Variants in FAM169A observed in about 807,000 individuals in gnomAD.
FAM169A encodes the protein family with sequence similarity 169 member A.
A neutral mutation model predicts 75.7 loss-of-function variants in FAM169A; 24 were observed. The observed-to-expected ratio is 0.32, with a 90% CI of 0.23 to 0.45. The LOEUF (loss-of-function observed/expected upper bound fraction) is 0.45. FAM169A is among the 20% of genes least tolerant of loss of function. The pLI, the probability that FAM169A is intolerant of heterozygous loss-of-function variation, is 1.00. For missense variants in FAM169A, 673 were observed against 784.0 expected, an observed-to-expected ratio of 0.86 and a Z score of 1.69; for synonymous variants, 271 against 271.0, an observed-to-expected ratio of 1.00 and a Z score of 0.00.
Position 74,778,772 on chromosome 5 carries a change from A to G in FAM169A, c.*2688T>C, listed in dbSNP as rs1745254169. 6.6e-6 allele frequency: 1 copy of G among 152,116 alleles called. No homozygotes were observed. The highest frequency in any genetic ancestry group is 1.5e-5 in the Non-Finnish European group (1 of 67,926). The allele number at this position is 152,116 out of a possible 1,614,324, so 9.4% of individuals were successfully genotyped here. A position where few individuals can be genotyped will look rare whatever the true frequency, so the allele number is the denominator to read the frequency against. On this transcript the variant is annotated 3_prime_UTR_variant, in exon 13 of 13. Coordinates refer to ENST00000687041, the MANE Select transcript of FAM169A (RefSeq NM_001376049.1). The stretch of plus-strand genomic sequence containing the variant: ...CACAAGGAAATATACACGTATGTAC[A>G]TAAAAAGTGAACTCCCTTCACAAAT...
At position 74,788,620 on chromosome 5, in the gene FAM169A, G is replaced by A. The variant is rs187799364; in HGVS notation, c.1261-5486C>T. On this transcript the variant is annotated intron_variant, in intron 11 of 12. Coordinates refer to ENST00000687041, the MANE Select transcript of FAM169A (RefSeq NM_001376049.1). ...CTAGGGAGGCTGAGACAGGAGAATC[G>A]CTTGAACCTACGAGGTGGAGGTTGC... 5.4e-3 allele frequency among the ~76,000 whole-genome samples: 819 copies of A among 151,928 alleles called. 9 individuals carry two copies. The highest frequency in any genetic ancestry group is 0.017 in the Middle Eastern group (5 of 294).
chr5:74,829,984 AG>A (rs1379609868), intron 5 of FAM169A, among the ~76,000 whole-genome samples: 2 of 152,312 alleles, frequency 1.3e-5, no homozygotes, highest in Non-Finnish European at 2.9e-5. Context: ...TCAAAAAAAA[AG>A]AAATATGGGG....
intron 11 of FAM169A, among the ~76,000 whole-genome samples, chr5:74,788,216 G>A (rs961721804): frequency 1.3e-5 from 2 of 152,182 alleles, no homozygotes; most frequent in African/African-American, 2.4e-5. Flanking sequence ...TTTTAGCTCA[G>A]GTCTGACTTA....
chr5:74,787,894 G>A (rs1344306876), intron 11 of FAM169A, among the ~76,000 whole-genome samples: 2 of 146,026 alleles, frequency 1.4e-5, no homozygotes, highest in Non-Finnish European at 3.0e-5. Context: ...AAAAAAAAGA[G>A]AGAATCACAG....
chr5:74,829,614 C>T (rs1215538197), intron 5 of FAM169A, among the ~76,000 whole-genome samples: 3 of 152,004 alleles, frequency 2.0e-5, no homozygotes, highest in Non-Finnish European at 2.9e-5. Flanking sequence ...GCCATGATTG[C>T]GCAACTGCAC....
intron 1 of FAM169A, among the ~76,000 whole-genome samples, chr5:74,850,837 T>C (rs1219469843): frequency 6.6e-6 from 1 of 152,222 alleles, no homozygotes; most frequent in East Asian, 1.9e-4. Context: ...GCAAAGGTCA[T>C]GAATAGAAAA....
intron 11 of FAM169A, among the ~76,000 whole-genome samples, chr5:74,795,593 T>TCA (rs1225558412): frequency 2.0e-4 from 31 of 152,306 alleles, no homozygotes; most frequent in African/African-American, 7.5e-4. Flanking sequence ...TCAACAGTCA[T>TCA]CAAATTTTTT....
At chr5:74,807,042 T>G (rs751888940) in intron 6 of FAM169A, among the ~76,000 whole-genome samples, 3 of 152,220 alleles carry the variant, frequency 2.0e-5, no homozygotes, top group Non-Finnish European at 4.4e-5. Flanking sequence ...AACAGTAAAG[T>G]TGAAAAGGCT....
intron 11 of FAM169A, among the ~76,000 whole-genome samples, chr5:74,794,647 C>T (rs1350435301): frequency 6.6e-6 from 1 of 150,860 alleles, no homozygotes; most frequent in African/African-American, 2.4e-5. Flanking sequence ...GGCGTTGTGG[C>T]GTGTGCCTGT....
intron 1 of FAM169A, among the ~76,000 whole-genome samples, chr5:74,861,170 C>T (rs867378243): frequency 3.3e-5 from 5 of 152,182 alleles, no homozygotes; most frequent in Middle Eastern, 6.8e-3. Context: ...GGATTTGTTC[C>T]CAATTCGTAT....
intron 11 of FAM169A, among the ~76,000 whole-genome samples, chr5:74,794,143 G>T (rs1487719464): frequency 6.7e-6 from 1 of 150,250 alleles, no homozygotes; most frequent in Non-Finnish European, 1.5e-5. Context: ...GACCAGCCTG[G>T]CAAACATGAT....
At chr5:74,809,373 T>C (rs1236034785) in intron 6 of FAM169A, among the ~76,000 whole-genome samples, 1 of 152,016 alleles carries the variant, frequency 6.6e-6, no homozygotes, top group Non-Finnish European at 1.5e-5. Context: ...GGTGGGCGGA[T>C]CACGAGGTCA....
At chr5:74,814,155 T>C in intron 5 of FAM169A, 136 bp from the exon 6 acceptor site, 1 of 554,778 alleles carries the variant, frequency 1.8e-6, no homozygotes, top group Non-Finnish European at 3.0e-6. Flanking sequence ...AATGTTATAA[T>C]ATAAAGTGTT....
chr5:74,795,733 T>C (rs1451247124), intron 11 of FAM169A, among the ~76,000 whole-genome samples: 2 of 152,202 alleles, frequency 1.3e-5, no homozygotes, highest in Admixed American at 1.3e-4. Flanking sequence ...GTGTGTTTAA[T>C]TCCACAAATT....
chr5:74,801,740 CT>C (rs1746591269), intron 8 of FAM169A, 111 bp from the exon 9 acceptor site: 13 of 778,168 alleles, frequency 1.7e-5, no homozygotes, highest in Non-Finnish European at 2.8e-5. Flanking sequence ...CCAAATAGCA[CT>C]TTTTGTTAAC....
At chr5:74,848,323 AGAT>A (rs1227873157) in intron 1 of FAM169A, among the ~76,000 whole-genome samples, 1 of 152,210 alleles carries the variant, frequency 6.6e-6, no homozygotes, top group African/African-American at 2.4e-5. Flanking sequence ...CCCATTTGAT[AGAT>A]GAAGAAACAG....
At chr5:74,801,708 A>C in intron 8 of FAM169A, 79 bp from the exon 9 acceptor site, 1 of 1,073,168 alleles carries the variant, frequency 9.3e-7, no homozygotes, top group East Asian at 2.4e-5. Context: ...ATAGTTTCAA[A>C]GAAAAACTTG....
At chr5:74,784,251 G>C (rs955809475) in intron 11 of FAM169A, among the ~76,000 whole-genome samples, 1 of 151,892 alleles carries the variant, frequency 6.6e-6, no homozygotes, top group Non-Finnish European at 1.5e-5. Flanking sequence ...AGGGGGAAAA[G>C]GCAAGTAGGA....
chr5:74,843,475 G>A (rs530527700), intron 1 of FAM169A, among the ~76,000 whole-genome samples: 132 of 152,242 alleles, frequency 8.7e-4, no homozygotes, highest in Middle Eastern at 6.8e-3. Flanking sequence ...ATGTGATACA[G>A]GCATGTGAAT....
Sources: gnomAD v4.1 joint callset for allele counts (sites outside exome capture counted in the v4.1 genomes callset) on GRCh38, gnomAD v4.1.1 for gene constraint, MANE v1.5 for transcripts, NCBI Gene and HGNC (gene_info 2026-07-23, HGNC 2026-07-21) for gene names.